Variants in RAB38 observed in about 807,000 individuals in gnomAD.
The protein encoded by RAB38 is ras-related protein Rab-38.
RAB38 carries 15 observed loss-of-function variants against 18.4 expected under a neutral mutation model. The ratio of observed to expected loss-of-function variants is 0.82; its 90% CI spans 0.55 to 1.26. The LOEUF is 1.26. Ranked by LOEUF, RAB38 falls within the 50% of genes most tolerant of loss-of-function variation. RAB38 has a pLI of 0.00. For missense variants in RAB38, 294 were observed against 267.4 expected (o/e 1.10, Z -0.69); for synonymous variants, 101 against 104.4 (o/e 0.97, Z 0.20).
At chr11:87,809,212 T>C in the RAB38 span, among the ~76,000 whole-genome samples, 14 of 152,194 alleles carry the variant, frequency 9.2e-5, no homozygotes, top group Non-Finnish European at 2.1e-4. Context: ...CAGCTATATG[T>C]TGTTCACAAG....
At chr11:87,873,948 A>ATATATATATATATATATATG in the RAB38 span, among the ~76,000 whole-genome samples, 1 of 140,440 alleles carries the variant, frequency 7.1e-6, no homozygotes, top group African/African-American at 2.6e-5. Flanking sequence ...ATATATATAT[A>ATATATATATATATATATATG]TACTCTGCAT....
At chr11:87,966,205 G>A in the RAB38 span, among the ~76,000 whole-genome samples, 2 of 152,144 alleles carry the variant, frequency 1.3e-5, no homozygotes, top group Non-Finnish European at 1.5e-5. Context: ...ATGTGGATCA[G>A]GATAGGTTAA....
In RAB38 at chr11:88,113,782, C is replaced by T; in HGVS notation, c.*206G>A. On this transcript the variant is annotated 3_prime_UTR_variant, in exon 3 of 3. Transcript: ENST00000243662. ...AAGTTTGTAACAGACTAAATATTTT[C>T]AAAAGTTTGTAAACACTGTGATGAT... 1 of 624,756 alleles carries T rather than the reference C, an allele frequency of 1.6e-6. No homozygotes were observed. The allele number at this position is 624,756 out of a possible 1,614,324, so 38.7% of individuals were successfully genotyped here.
the RAB38 span, among the ~76,000 whole-genome samples, chr11:88,056,669 T>C: frequency 6.6e-6 from 1 of 151,276 alleles, no homozygotes; most frequent in Non-Finnish European, 1.5e-5. Context: ...ACGAGCGAGG[T>C]GGTGGGCGCC....
At chr11:88,005,434 A>C in the RAB38 span, among the ~76,000 whole-genome samples, 2 of 151,480 alleles carry the variant, frequency 1.3e-5, no homozygotes, top group Admixed American at 6.6e-5. Flanking sequence ...CCCATTTTAA[A>C]AATAAATGAG....
the RAB38 span, among the ~76,000 whole-genome samples, chr11:87,820,021 A>G: frequency 6.6e-6 from 1 of 152,148 alleles, no homozygotes; most frequent in African/African-American, 2.4e-5. Flanking sequence ...AATATCCTAA[A>G]AAATTCTGGA....
the RAB38 span, among the ~76,000 whole-genome samples, chr11:87,943,050 AAATG>A: frequency 6.6e-6 from 1 of 152,186 alleles, no homozygotes; most frequent in Non-Finnish European, 1.5e-5. Flanking sequence ...AAAGTCGTAA[AAATG>A]AATGAAGTGA....
At chr11:88,036,824 T>A in the RAB38 span, among the ~76,000 whole-genome samples, 21 of 152,076 alleles carry the variant, frequency 1.4e-4, no homozygotes, top group African/African-American at 4.8e-4. Context: ...TTAATATGAG[T>A]CTTTAATCTC....
the RAB38 span, among the ~76,000 whole-genome samples, chr11:88,077,573 C>T: frequency 6.6e-6 from 1 of 152,070 alleles, no homozygotes; most frequent in Non-Finnish European, 1.5e-5. Context: ...CTTCAATGAA[C>T]AGTGCTAGGA....
At chr11:87,955,500 T>C in the RAB38 span, among the ~76,000 whole-genome samples, 1 of 152,140 alleles carries the variant, frequency 6.6e-6, no homozygotes, top group African/African-American at 2.4e-5. Context: ...TTCCTGAATC[T>C]AAAATAAAAG....
At chr11:88,033,533 A>G in the RAB38 span, among the ~76,000 whole-genome samples, 70 of 152,238 alleles carry the variant, frequency 4.6e-4, no homozygotes, top group Non-Finnish European at 6.0e-4. Flanking sequence ...AAAGTAATAG[A>G]GAGATCCTGT....
At chr11:87,885,660 A>G in the RAB38 span, among the ~76,000 whole-genome samples, 1 of 151,994 alleles carries the variant, frequency 6.6e-6, no homozygotes, top group African/African-American at 2.4e-5. Flanking sequence ...ATGTGAGCAG[A>G]TGTCATGATT....
At chr11:88,052,941 T>TATAC in the RAB38 span, among the ~76,000 whole-genome samples, 1 of 120,492 alleles carries the variant, frequency 8.3e-6, no homozygotes, top group Non-Finnish European at 1.7e-5. Flanking sequence ...TATATATATA[T>TATAC]ATAAATTATA....
the RAB38 span, among the ~76,000 whole-genome samples, chr11:88,062,884 A>G: frequency 6.6e-6 from 1 of 152,216 alleles, no homozygotes; most frequent in African/African-American, 2.4e-5. Context: ...CCCAGCTGTT[A>G]AACTTTATTT....
At chr11:87,880,239 A>G in the RAB38 span, 1 of 151,826 alleles carries the variant, frequency 6.6e-6, no homozygotes, top group East Asian at 2.0e-4. Context: ...CTTTCTTGGC[A>G]TACAAAATGA....
At chr11:88,014,805 G>T in the RAB38 span, among the ~76,000 whole-genome samples, 1 of 152,220 alleles carries the variant, frequency 6.6e-6, no homozygotes, top group Non-Finnish European at 1.5e-5. Flanking sequence ...AGGTGGCAGA[G>T]ACCAGGGCAA....
At chr11:88,028,069 A>T in the RAB38 span, among the ~76,000 whole-genome samples, 1 of 152,238 alleles carries the variant, frequency 6.6e-6, no homozygotes. Flanking sequence ...TGCACGGTTC[A>T]AGAAAAACCA....
chr11:87,918,858 A>G, the RAB38 span, among the ~76,000 whole-genome samples: 3 of 151,682 alleles, frequency 2.0e-5, no homozygotes, highest in Non-Finnish European at 4.4e-5. Flanking sequence ...TTCCTGTGCA[A>G]GAGCTTTTGA....
chr11:87,916,952 T>C, the RAB38 span, among the ~76,000 whole-genome samples: 1 of 152,144 alleles, frequency 6.6e-6, no homozygotes, highest in East Asian at 1.9e-4. Flanking sequence ...AGTGGATTAC[T>C]TACAAATCCC....
Sources: gnomAD v4.1 joint callset for allele counts (sites outside exome capture counted in the v4.1 genomes callset) on GRCh38, gnomAD v4.1.1 for gene constraint, MANE v1.5 for transcripts, NCBI Gene and HGNC (gene_info 2026-07-23, HGNC 2026-07-21) for gene names.